AP1S3: variants seen among roughly 807,000 people sequenced by gnomAD.
AP1S3 encodes adaptor related protein complex 1 subunit sigma 3.
A neutral mutation model predicts 20.9 loss-of-function variants in AP1S3; 10 were observed. The observed-to-expected ratio is 0.48, with a 90% CI of 0.29 to 0.81. The LOEUF (loss-of-function observed/expected upper bound fraction) is 0.81. Among genes scored for constraint, AP1S3 ranks in the 30% least tolerant of loss-of-function variants. The pLI, the probability that AP1S3 is intolerant of heterozygous loss-of-function variation, is 0.08. For synonymous variants in AP1S3, 41 were observed against 61.5 expected (o/e 0.67, Z 1.56); for missense variants, 154 against 183.8 (o/e 0.84, Z 0.94).
At chr2:223,767,533 G>A (rs768698881) in intron 3 of AP1S3, among the ~76,000 whole-genome samples, 14 of 151,648 alleles carry the variant, frequency 9.2e-5, no homozygotes, top group Middle Eastern at 3.4e-3. Flanking sequence ...TTCCTCAAGG[G>A]AGCCTCTTCT....
At chr2:223,761,536 C>T (rs766714571) in intron 4 of AP1S3, among the ~76,000 whole-genome samples, 5 of 152,026 alleles carry the variant, frequency 3.3e-5, no homozygotes, top group Non-Finnish European at 7.4e-5. Flanking sequence ...GTGATCCTTT[C>T]ACCTTAGCCT....
intron 1 of AP1S3, among the ~76,000 whole-genome samples, chr2:223,798,862 C>T (rs1439712403): frequency 6.6e-6 from 1 of 152,042 alleles, no homozygotes; most frequent in Non-Finnish European, 1.5e-5. Flanking sequence ...ACCTGAGGTC[C>T]GGAGTTTGAG....
intron 3 of AP1S3, among the ~76,000 whole-genome samples, chr2:223,769,983 A>T (rs978410757): frequency 3.9e-5 from 6 of 152,024 alleles, no homozygotes; most frequent in Non-Finnish European, 7.4e-5. Flanking sequence ...TGACCTCGTG[A>T]TCCACCCGCC....
At position 223,767,652 on chromosome 2, in the gene AP1S3, G is replaced by A. The variant is rs537075864; in HGVS notation, c.292-2302C>T. Among the ~76,000 whole-genome samples, 9 of 151,910 alleles carry A rather than the reference G, an allele frequency of 5.9e-5. No individual in the cohort carries two copies. In the South Asian group the frequency reaches 1.9e-3, roughly 32 times the overall value. ...ATGACTAGCCCTGATCTCCCTCTGG[G>A]CCACTAGTCCAATATTCTCACCCAC... is the stretch of plus-strand genomic sequence containing the variant. On this transcript the variant is annotated intron_variant, in intron 3 of 4. Coordinates refer to ENST00000396654, the MANE Select transcript of AP1S3 (RefSeq NM_001039569.2).
intron 4 of AP1S3, among the ~76,000 whole-genome samples, chr2:223,761,864 T>C (rs1045099447): frequency 2.0e-5 from 3 of 152,152 alleles, no homozygotes; most frequent in Non-Finnish European, 4.4e-5. Context: ...CATCTGGCCT[T>C]GAGCCTCCCT....
chr2:223,767,059 T>A (rs1413110242), intron 3 of AP1S3, among the ~76,000 whole-genome samples: 1 of 141,854 alleles, frequency 7.0e-6, no homozygotes. Context: ...TGTTGGGGGG[T>A]GGGGGGCAAA....
rs1015829524 is a variant in AP1S3 at position 223,760,581 on chromosome 2, C to G, written c.430-1831G>C. Among the ~76,000 whole-genome samples, 4 of 152,288 alleles carry G rather than the reference C, an allele frequency of 2.6e-5. No individual in the cohort carries two copies. In the East Asian group the frequency reaches 7.7e-4, roughly 29 times the overall value. ...CATCTACCCCTCTACAGATGCTGCCCGTGGGGTCTTTTAACTTAGCAGAGG... is the reference window on the plus strand; with the variant it reads ...CATCTACCCCTCTACAGATGCTGCCGGTGGGGTCTTTTAACTTAGCAGAGG... On this transcript the variant is annotated intron_variant, in intron 4 of 4. Transcript: ENST00000396654.
chr2:223,832,807 CTTTTTT>C (rs66947467), intron 1 of AP1S3, among the ~76,000 whole-genome samples: 2 of 129,946 alleles, frequency 1.5e-5, no homozygotes, highest in Non-Finnish European at 3.2e-5. Flanking sequence ...TTTCTTTTTT[CTTTTTT>C]TTTTTTTTTT....
chr2:223,771,516 G>T (rs919577306), intron 3 of AP1S3, among the ~76,000 whole-genome samples: 1 of 152,074 alleles, frequency 6.6e-6, no homozygotes, highest in South Asian at 2.1e-4. Context: ...TTATTTTCTC[G>T]TGTATCTAGA....
chr2:223,766,649 A>T (rs921017645), intron 3 of AP1S3, among the ~76,000 whole-genome samples: 16 of 152,332 alleles, frequency 1.1e-4, no homozygotes, highest in African/African-American at 3.6e-4. Flanking sequence ...CAGTGTGGTG[A>T]TTCCTCAAGG....
intron 1 of AP1S3, among the ~76,000 whole-genome samples, chr2:223,797,399 T>TC (rs1045417672): frequency 6.6e-6 from 1 of 152,158 alleles, no homozygotes; most frequent in African/African-American, 2.4e-5. Context: ...CAGATTTTTT[T>TC]CCCAAAAGCC....
chr2:223,815,766 A>G (rs866254122), intron 1 of AP1S3, among the ~76,000 whole-genome samples: 5 of 152,228 alleles, frequency 3.3e-5, no homozygotes, highest in Non-Finnish European at 7.3e-5. Flanking sequence ...AACTTTAAGC[A>G]AAACAACATA....
chr2:223,756,615 C>G lies in AP1S3; in HGVS notation c.*2100G>C, dbSNP rs910426274. On this transcript the variant is annotated 3_prime_UTR_variant, in exon 5 of 5. Transcript: ENST00000396654. ...TGCCATAATTGTAATTACATGGTAA[C>G]CTGAAGAAATATTGGATAGTAAAAG... The G allele has an allele frequency of 1.0e-6, 1 of 985,102 alleles. No individual in the cohort carries two copies. 61.0% of individuals were successfully genotyped at this position (985,102 alleles called of 1,614,324 possible).
intron 2 of AP1S3, among the ~76,000 whole-genome samples, chr2:223,776,892 A>G (rs971183076): frequency 6.6e-6 from 1 of 152,190 alleles, no homozygotes; most frequent in African/African-American, 2.4e-5. Context: ...TCATGTCCTC[A>G]ATGTACTCAT....
intron 1 of AP1S3, among the ~76,000 whole-genome samples, chr2:223,801,765 G>A (rs541047314): frequency 6.6e-6 from 1 of 152,152 alleles, no homozygotes; most frequent in East Asian, 1.9e-4. Flanking sequence ...AACACTTAAA[G>A]CTCCCTCTGC....
intron 1 of AP1S3, among the ~76,000 whole-genome samples, chr2:223,804,754 A>C (rs557142202): frequency 1.1e-4 from 17 of 152,120 alleles, no homozygotes; most frequent in Non-Finnish European, 2.5e-4. Flanking sequence ...AATTACTAGA[A>C]TCTTCTAGAT....
At chr2:223,798,887 C>T (rs1691406776) in intron 1 of AP1S3, among the ~76,000 whole-genome samples, 4 of 152,146 alleles carry the variant, frequency 2.6e-5, no homozygotes, top group South Asian at 2.1e-4. Flanking sequence ...GCCTGGCCAA[C>T]GTGGTGCAGC....
At chr2:223,815,552 T>A (rs1453009997) in intron 1 of AP1S3, among the ~76,000 whole-genome samples, 3 of 152,168 alleles carry the variant, frequency 2.0e-5, no homozygotes, top group African/African-American at 7.2e-5. Flanking sequence ...ATGCATAGAT[T>A]TGTAAAGCCA....
At chr2:223,826,256 A>G (rs1692125371) in intron 1 of AP1S3, among the ~76,000 whole-genome samples, 1 of 152,182 alleles carries the variant, frequency 6.6e-6, no homozygotes, top group Non-Finnish European at 1.5e-5. Context: ...TAGGGGGCAG[A>G]AATTCCAGGA....
Sources: gnomAD v4.1 joint callset for allele counts (sites outside exome capture counted in the v4.1 genomes callset) on GRCh38, gnomAD v4.1.1 for gene constraint, MANE v1.5 for transcripts, NCBI Gene and HGNC (gene_info 2026-07-23, HGNC 2026-07-21) for gene names.